TULP4: variants seen among roughly 807,000 people sequenced by gnomAD.
The protein encoded by TULP4 is tubby-related protein 4.
A neutral mutation model predicts 129.0 loss-of-function variants in TULP4; 16 were observed. The ratio of observed to expected loss-of-function variants is 0.12; its 90% CI spans 0.08 to 0.19. The LOEUF (loss-of-function observed/expected upper bound fraction) is 0.19. Ranked by LOEUF, TULP4 falls within the 10% of genes least tolerant of loss-of-function variation. The probability of loss-of-function intolerance (pLI) is 1.00; values close to 1 mark genes in which losing one functional copy is unlikely to be tolerated. For missense variants in TULP4, 1,842 were observed against 2,059.1 expected, an observed-to-expected ratio of 0.89 and a Z score of 2.04; for synonymous variants, 998 against 854.0, an observed-to-expected ratio of 1.17 and a Z score of -2.94.
At position 158,463,649 on chromosome 6, in the gene TULP4, A is replaced by AATAT. The variant is rs60561997; in HGVS notation, c.1026+1936_1026+1939dup. ...ACCCTAGAACTTAAAGTATAATAAA[A>AATAT]ATATATATATATATATATAAAAAGA... On this transcript the variant is annotated intron_variant, in intron 6 of 13. Transcript: ENST00000367097. 3.1e-3 allele frequency among the ~76,000 whole-genome samples: 423 copies of AATAT among 137,794 alleles called. 2 individuals are homozygous for AATAT. The highest frequency in any genetic ancestry group is 0.026 in the Middle Eastern group (7 of 268). The allele number at this position is 137,794 out of a possible 152,430, so 90.4% of individuals were successfully genotyped here.
chr6:158,408,205 C>T (rs1166109463), intron 1 of TULP4, among the ~76,000 whole-genome samples: 1 of 152,062 alleles, frequency 6.6e-6, no homozygotes, highest in Non-Finnish European at 1.5e-5. Context: ...GCAGAGCAAG[C>T]GGGAGTGCTT....
intron 1 of TULP4, among the ~76,000 whole-genome samples, chr6:158,401,055 TG>T (rs1264963361): frequency 8.5e-4 from 55 of 64,500 alleles, no homozygotes; most frequent in Non-Finnish European, 1.4e-3. Flanking sequence ...GGTTTTTTGT[TG>T]TTGTTGTTGT....
chr6:158,389,670 T>G (rs1009083615), intron 1 of TULP4, among the ~76,000 whole-genome samples: 1 of 152,196 alleles, frequency 6.6e-6, no homozygotes, highest in Non-Finnish European at 1.5e-5. Context: ...ATGAATCATG[T>G]GGTGTGCCTT....
intron 1 of TULP4, among the ~76,000 whole-genome samples, chr6:158,234,391 TGGATAG>T (rs1293681880): frequency 6.6e-6 from 1 of 152,240 alleles, no homozygotes; most frequent in Non-Finnish European, 1.5e-5. Flanking sequence ...GCCCTCTCAC[TGGATAG>T]TTTATAGGAC....
chr6:158,498,823 A>G lies in TULP4; in HGVS notation c.2014+11A>G. ...AAGATGATTTACCAGGTGTGTTCACATACATCAACGTGTTTGTCACGGTCC... is the reference window on the plus strand; with the variant it reads ...AAGATGATTTACCAGGTGTGTTCACGTACATCAACGTGTTTGTCACGGTCC... On this transcript the variant is annotated intron_variant, in intron 12 of 13. Transcript: ENST00000367097. The G allele has an allele frequency of 4.3e-6, 7 of 1,613,756 alleles. No homozygotes were observed. The highest frequency in any genetic ancestry group is 5.9e-6 in the Non-Finnish European group (7 of 1,179,680).
At chr6:158,245,421 G>A (rs1778010273) in intron 1 of TULP4, among the ~76,000 whole-genome samples, 1 of 152,030 alleles carries the variant, frequency 6.6e-6, no homozygotes, top group African/African-American at 2.4e-5. Context: ...TCCTGGTGTG[G>A]AAAGGGAATG....
In TULP4 at chr6:158,313,882, C is replaced by A; in HGVS notation, c.-135C>A. The A allele has an allele frequency of 1.1e-6, 1 of 917,028 alleles. No individual in the cohort carries two copies. The highest frequency in any genetic ancestry group is 1.6e-6 in the Non-Finnish European group (1 of 625,342). The allele number at this position is 917,028 out of a possible 1,614,324, so 56.8% of individuals were successfully genotyped here. ...AAAATACTGACCTTCTAATTAGATT[C>A]AGGTCAGTCTTAATTAAAGGGGGAA... is the stretch of plus-strand genomic sequence containing the variant. On this transcript the variant is annotated 5_prime_UTR_variant, in exon 1 of 14. Coordinates refer to ENST00000367097, the MANE Select transcript of TULP4 (RefSeq NM_020245.5).
chr6:158,470,065 C>T (rs544052712), intron 6 of TULP4, among the ~76,000 whole-genome samples: 5 of 152,276 alleles, frequency 3.3e-5, no homozygotes, highest in Admixed American at 2.6e-4. Context: ...GGAAGAGAAC[C>T]GTGGAACCCA....
At chr6:158,325,118 G>A (rs1483237145) in intron 1 of TULP4, among the ~76,000 whole-genome samples, 1 of 152,146 alleles carries the variant, frequency 6.6e-6, no homozygotes, top group African/African-American at 2.4e-5. Flanking sequence ...TATTCAAATA[G>A]AATTGTCAAA....
At chr6:158,498,596 C>G (rs1780380256) in intron 11 of TULP4, 73 bp from the exon 12 acceptor site, 2 of 1,587,370 alleles carry the variant, frequency 1.3e-6, no homozygotes, top group Admixed American at 3.4e-5. Context: ...GCTCTTCTTC[C>G]TGTGACTCTC....
chr6:158,335,506 C>CA (rs909129983), intron 1 of TULP4, among the ~76,000 whole-genome samples: 5 of 151,716 alleles, frequency 3.3e-5, no homozygotes, highest in African/African-American at 1.2e-4. Context: ...ATTTGAAAGT[C>CA]AAAACCACAT....
In TULP4 at chr6:158,502,246, G is replaced by A. The variant is rs895755517; in HGVS notation, c.2583G>A (p.Val861=). 7 of 1,583,634 alleles carry A rather than the reference G, an allele frequency of 4.4e-6. No individual in the cohort carries two copies. The highest frequency in any genetic ancestry group is 6.0e-6 in the Non-Finnish European group (7 of 1,162,046). ...CTCTGCCGCCCCCACAGCCCCCAGT[G>A]GATGTGTGCTTGAAGAAGGGCGACT... is the stretch of plus-strand genomic sequence containing the variant. ...PPPLPPPQPP[V]DVCLKKGDFS... The change falls in exon 13 of 14, where the codon GTG becomes GTA. Residue 861 remains valine, a synonymous_variant. Transcript: ENST00000367097.
In TULP4 at chr6:158,503,636, C is replaced by T; in HGVS notation, c.3973C>T (p.Pro1325Ser). ...GGAAGTCCTCTCCCTGACCGAAAGC[C>T]CAGTCCCCCAGCGGACAGAAAAATT... The part of the protein sequence containing the change: ...FQEVLSLTES[P>S]VPQRTEKFGK... The change falls in exon 13 of 14, where the codon CCA (proline) becomes TCA (serine). Residue 1325 changes from proline (P) to serine (S), a missense_variant. Physicochemically the swap from Pro to Ser is moderately conservative, Grantham distance 74. This residue lies in a region of TULP4 where 1,089 missense variants were observed against 987.1 expected (regional missense o/e 1.10). Transcript: ENST00000367097. The surrounding 1 kb of genome is among the most constrained non-coding windows in gnomAD (Gnocchi z 4.3). 1.9e-6 allele frequency: 3 copies of T among 1,614,044 alleles called. No individual in the cohort carries two copies. The highest frequency in any genetic ancestry group is 1.7e-6 in the Non-Finnish European group (2 of 1,180,032).
chr6:158,347,079 C>G (rs1229414411), intron 1 of TULP4, among the ~76,000 whole-genome samples: 1 of 152,086 alleles, frequency 6.6e-6, no homozygotes, highest in Non-Finnish European at 1.5e-5. Context: ...CTTTCAGCGA[C>G]AGAAATCCGT....
rs762808401 is a variant in TULP4 at position 158,493,735 on chromosome 6, C to T, written c.1776+18C>T. The T allele has an allele frequency of 5.9e-6, 9 of 1,530,074 alleles. No individual in the cohort carries two copies. The highest frequency in any genetic ancestry group is 1.7e-4 in the Middle Eastern group (1 of 5,752). 94.8% of individuals were successfully genotyped at this position (1,530,074 alleles called of 1,614,324 possible). A position where few individuals can be genotyped will look rare whatever the true frequency, so the allele number is the denominator to read the frequency against. Reference sequence around the variant, plus strand: ...TCACTCAGGTAGGAGCCCCCAGTTACCCTGCCTTGCTCCCCTCCTCCTGGG... The same window carrying T: ...TCACTCAGGTAGGAGCCCCCAGTTATCCTGCCTTGCTCCCCTCCTCCTGGG... On this transcript the variant is annotated intron_variant, in intron 10 of 13. Coordinates refer to ENST00000367097, the MANE Select transcript of TULP4 (RefSeq NM_020245.5). The surrounding 1 kb of genome is among the most constrained non-coding windows in gnomAD (Gnocchi z 4.4).
intron 1 of TULP4, chr6:158,237,381 C>A (rs974517617): frequency 5.6e-6 from 9 of 1,612,160 alleles, no homozygotes; most frequent in Non-Finnish European, 7.6e-6. Context: ...GTTGCTGTTT[C>A]TTTTTTGTTG....
intron 1 of TULP4, among the ~76,000 whole-genome samples, chr6:158,293,045 T>C (rs538953904): frequency 6.6e-6 from 1 of 151,784 alleles, no homozygotes; most frequent in South Asian, 2.1e-4. Flanking sequence ...GTAGATTCAC[T>C]CTAAGAAGTA....
intron 8 of TULP4, among the ~76,000 whole-genome samples, chr6:158,484,397 T>C (rs1780018743): frequency 6.6e-6 from 1 of 152,062 alleles, no homozygotes; most frequent in Non-Finnish European, 1.5e-5. Flanking sequence ...GAAATCCTCC[T>C]GCCTCGGTCG....
intron 1 of TULP4, among the ~76,000 whole-genome samples, chr6:158,260,392 C>T (rs1005331831): frequency 6.6e-6 from 1 of 152,026 alleles, no homozygotes; most frequent in East Asian, 1.9e-4. Flanking sequence ...CTGGCTAACA[C>T]GGTGAAACCC....
Sources: gnomAD v4.1 joint callset for allele counts (sites outside exome capture counted in the v4.1 genomes callset) on GRCh38, gnomAD v4.1.1 for gene constraint, gnomAD v4.1.1 regional missense constraint, Gnocchi (gnomAD v3.1) non-coding constraint, MANE v1.5 for transcripts, NCBI Gene and HGNC (gene_info 2026-07-23, HGNC 2026-07-21) for gene names.